The following CYLC2 variants were observed in gnomAD, a reference collection of about 807,000 sequenced individuals.
CYLC2 encodes cylicin-2.
A neutral mutation model predicts 26.1 loss-of-function variants in CYLC2; 30 were observed. The observed-to-expected ratio is 1.15, with a 90% CI of 0.86 to 1.56. The LOEUF (loss-of-function observed/expected upper bound fraction) is 1.56, where lower values mean the gene tolerates loss of function less well. Ranked by LOEUF, CYLC2 falls within the 40% of genes most tolerant of loss-of-function variation. The pLI is 0.00. For synonymous variants in CYLC2, 158 were observed against 132.8 expected (o/e 1.19, Z -1.31); for missense variants, 498 against 394.4 (o/e 1.26, Z -2.23).
chr9:103,004,898 T>G, intron 4 of CYLC2, 47 bp downstream of exon 4: 1 of 1,575,100 alleles, frequency 6.3e-7, no homozygotes, highest in African/African-American at 1.4e-5. Context: ...ATTTTCTGAT[T>G]AGATTTCTAT....
intron 1 of CYLC2, 50 bp downstream of exon 1, chr9:102,995,447 C>T (rs1260958431): frequency 7.5e-7 from 1 of 1,327,476 alleles, no homozygotes; most frequent in Non-Finnish European, 1.1e-6. Flanking sequence ...GTTAGCTTTA[C>T]ATTTAACTTC....
At chr9:102,996,128 A>G (rs992297703) in intron 1 of CYLC2, among the ~76,000 whole-genome samples, 4 of 151,860 alleles carry the variant, frequency 2.6e-5, no homozygotes, top group Admixed American at 6.6e-5. Flanking sequence ...AGGAAAGATA[A>G]AACATGAATA....
At chr9:103,014,180 CATATATA>C (rs1192711229) in intron 6 of CYLC2, among the ~76,000 whole-genome samples, 2 of 114,984 alleles carry the variant, frequency 1.7e-5, no homozygotes, top group African/African-American at 3.6e-5. Flanking sequence ...TTATATATCT[CATATATA>C]ATATATAATA....
intron 6 of CYLC2, 126 bp from the exon 7 acceptor site, chr9:103,016,762 G>T (rs1829510506): frequency 6.6e-6 from 1 of 152,004 alleles, no homozygotes; most frequent in South Asian, 2.1e-4. Flanking sequence ...CTTAGGTAAA[G>T]TAACTTAATG....
At position 103,014,838 on chromosome 9, in the gene CYLC2, T is replaced by G. The variant is rs187062134; in HGVS notation, c.*817-2050T>G. Among the ~76,000 whole-genome samples, 238 of 110,378 alleles carry G rather than the reference T, an allele frequency of 2.2e-3. 1 individual carries two copies. The highest frequency in any genetic ancestry group is 8.0e-3 in the African/African-American group (230 of 28,916). 72.4% of individuals were successfully genotyped at this position (110,378 alleles called of 152,430 possible). A position where few individuals can be genotyped will look rare whatever the true frequency, so the allele number is the denominator to read the frequency against. ...ATGCAATATACATATGTAATATACG[T>G]ATGTATATTATGCAATATACATAAT... On this transcript the variant is annotated intron_variant, in intron 6 of 7. Transcript: ENST00000374798.
At chr9:103,016,118 T>C in intron 6 of CYLC2, among the ~76,000 whole-genome samples, 1 of 152,010 alleles carries the variant, frequency 6.6e-6, no homozygotes, top group East Asian at 1.9e-4. Context: ...TACACATTTA[T>C]GTCTCAGATA....
At chr9:103,006,814 A>G (rs1242425008) in intron 5 of CYLC2, among the ~76,000 whole-genome samples, 1 of 152,142 alleles carries the variant, frequency 6.6e-6, no homozygotes, top group Non-Finnish European at 1.5e-5. Context: ...TTATAATTAG[A>G]TAGGAGGAAT....
chr9:102,997,258 T>A (rs1355051854), intron 1 of CYLC2, among the ~76,000 whole-genome samples: 1 of 151,848 alleles, frequency 6.6e-6, no homozygotes, highest in Non-Finnish European at 1.5e-5. Context: ...ATTATAATAT[T>A]TTTAACAGTA....
intron 7 of CYLC2, among the ~76,000 whole-genome samples, chr9:103,017,464 G>C (rs548456726): frequency 1.2e-4 from 18 of 151,976 alleles, no homozygotes; most frequent in African/African-American, 4.3e-4. Context: ...TCCTAATTTG[G>C]TTTACTGAAT....
At position 103,005,424 on chromosome 9, in the gene CYLC2, AAG is replaced by A; in HGVS notation, c.794_795del (p.Lys265ArgfsTer3). On this transcript the variant is annotated frameshift_variant, in exon 5 of 8. Transcript: ENST00000374798. LOFTEE classifies it low-confidence loss of function (END_TRUNC). ...ATCGAAGGATGCCAAGAAAGATGCA[AAG>A]GAGATTAAAAAAGGTAAGAAAGATA... ...DESKDAKKDAKEIKKGKKDKK... is the reference protein window; with the variant it reads ...DESKDAKKDAXEIKKGKKDKK... The A allele has an allele frequency of 6.2e-7, 1 of 1,613,716 alleles. No individual in the cohort carries two copies. Among genetic ancestry groups the A allele is most frequent in the Non-Finnish European group, 8.5e-7 (1 of 1,179,914 alleles).
intron 6 of CYLC2, among the ~76,000 whole-genome samples, chr9:103,014,393 AC>A (rs1334454491): frequency 8.1e-6 from 1 of 123,820 alleles, no homozygotes; most frequent in Non-Finnish European, 1.6e-5. Flanking sequence ...ACGTAATATA[AC>A]ATAATGTATG....
chr9:103,000,548 T>G (rs1829278296), intron 1 of CYLC2, among the ~76,000 whole-genome samples: 1 of 151,992 alleles, frequency 6.6e-6, no homozygotes, highest in Non-Finnish European at 1.5e-5. Flanking sequence ...ATGTACTCAG[T>G]TTAAGAAAAT....
chr9:103,007,885 G>C (rs1372613503), intron 5 of CYLC2, among the ~76,000 whole-genome samples: 1 of 151,972 alleles, frequency 6.6e-6, no homozygotes, highest in Non-Finnish European at 1.5e-5. Context: ...TTAACATTGG[G>C]TCCTGTCCCT....
intron 5 of CYLC2, among the ~76,000 whole-genome samples, chr9:103,007,698 A>G (rs2118246883): frequency 6.6e-6 from 1 of 152,308 alleles, no homozygotes; most frequent in South Asian, 2.1e-4. Context: ...TTTCTTAAAT[A>G]AACTCAGTGT....
chr9:102,996,746 G>C (rs979601595), intron 1 of CYLC2, among the ~76,000 whole-genome samples: 3 of 151,900 alleles, frequency 2.0e-5, no homozygotes, highest in African/African-American at 7.2e-5. Flanking sequence ...CTATCAACTT[G>C]TATGTGATAA....
chr9:103,012,721 C>T (rs1246428475), intron 6 of CYLC2, among the ~76,000 whole-genome samples: 2 of 151,888 alleles, frequency 1.3e-5, no homozygotes, highest in East Asian at 1.9e-4. Flanking sequence ...AAACGTACTC[C>T]AGGTGTTAAA....
At chr9:103,002,162 T>G (rs1564096784) in intron 2 of CYLC2, among the ~76,000 whole-genome samples, 1 of 152,050 alleles carries the variant, frequency 6.6e-6, no homozygotes, top group Non-Finnish European at 1.5e-5. Context: ...CACACATTAA[T>G]GCTGCATGTG....
intron 2 of CYLC2, among the ~76,000 whole-genome samples, chr9:103,002,064 T>C (rs767504822): frequency 5.9e-5 from 9 of 152,144 alleles, no homozygotes; most frequent in Non-Finnish European, 1.2e-4. Flanking sequence ...TCCCCTCAGA[T>C]ACTGAGCCTA....
chr9:103,002,363 T>TCCC, intron 2 of CYLC2, among the ~76,000 whole-genome samples: 2 of 126,486 alleles, frequency 1.6e-5, no homozygotes, highest in South Asian at 2.8e-4. Context: ...CCCCCTTTTT[T>TCCC]TTTTTTTTTT....
Sources: allele counts gnomAD v4.1 joint callset (sites outside exome capture counted in the v4.1 genomes callset), GRCh38; gene constraint gnomAD v4.1.1; transcripts MANE v1.5; gene names NCBI Gene and HGNC (gene_info 2026-07-23, HGNC 2026-07-21).